The following ADAM23 variants were observed in gnomAD, a reference collection of about 807,000 sequenced individuals.
The protein encoded by ADAM23 is ADAM metallopeptidase domain 23, also known as disintegrin and metalloproteinase domain-containing protein 23.
ADAM23 carries 33 observed loss-of-function variants against 120.1 expected under a neutral mutation model. That is an observed-to-expected ratio of 0.27 (90% CI 0.21 to 0.37). The LOEUF (loss-of-function observed/expected upper bound fraction) is 0.37. Among genes scored for constraint, ADAM23 ranks in the 10% least tolerant of loss-of-function variants. The pLI, the probability that ADAM23 is intolerant of heterozygous loss-of-function variation, is 1.00. For missense variants in ADAM23, 862 were observed against 1,058.2 expected, an observed-to-expected ratio of 0.81 and a Z score of 2.57; for synonymous variants, 367 against 375.2, an observed-to-expected ratio of 0.98 and a Z score of 0.25.
chr2:206,591,975 T>C (rs1337644093), intron 21 of ADAM23, among the ~76,000 whole-genome samples: 1 of 152,182 alleles, frequency 6.6e-6, no homozygotes. Flanking sequence ...CTTCAATTCT[T>C]TGCCCATTTT....
chr2:206,529,109 G>A (rs920373590), intron 3 of ADAM23, among the ~76,000 whole-genome samples: 2 of 152,090 alleles, frequency 1.3e-5, no homozygotes, highest in Non-Finnish European at 2.9e-5. Context: ...TAAAAATAGT[G>A]ACTGCCACAA....
chr2:206,570,396 A>C (rs534176622), intron 15 of ADAM23, among the ~76,000 whole-genome samples: 42 of 152,264 alleles, frequency 2.8e-4, no homozygotes, highest in Admixed American at 2.7e-3. Context: ...TGTGAGTCTT[A>C]TTAGCAATGC....
intron 2 of ADAM23, among the ~76,000 whole-genome samples, chr2:206,458,684 G>C (rs780034298): frequency 1.3e-5 from 2 of 152,132 alleles, no homozygotes; most frequent in Non-Finnish European, 2.9e-5. Context: ...GGATGGGTAT[G>C]GTATGGCCCC....
At chr2:206,484,019 A>T (rs563300044) in intron 3 of ADAM23, among the ~76,000 whole-genome samples, 1 of 152,304 alleles carries the variant, frequency 6.6e-6, no homozygotes, top group Admixed American at 6.5e-5. Flanking sequence ...GACGGAGCTG[A>T]TAAGAGTGGG....
intron 11 of ADAM23, 126 bp from the exon 12 acceptor site, chr2:206,561,000 TAA>T (rs1697753377): frequency 1.5e-6 from 1 of 684,956 alleles, no homozygotes; most frequent in Non-Finnish European, 2.5e-6. Context: ...GTAGTTGAAA[TAA>T]AGTTTTTGAT....
At position 206,621,118 on chromosome 2, in the gene ADAM23, C is replaced by T. The variant is rs770771506; in HGVS notation, c.*3491C>T. ...TAAGTCAAATGTGTATTAAAACTTT[C>T]GTTAACGTAGAATGTTGTAGCTTTA... is the stretch of plus-strand genomic sequence containing the variant. On this transcript the variant is annotated 3_prime_UTR_variant, in exon 26 of 26. Transcript: ENST00000264377. The T allele has an allele frequency of 6.6e-5, 10 of 152,132 alleles. No homozygotes were observed. Among genetic ancestry groups the T allele is most frequent in the Non-Finnish European group, 1.5e-4 (10 of 68,022 alleles). 9.4% of individuals were successfully genotyped at this position (152,132 alleles called of 1,614,324 possible). A position where few individuals can be genotyped will look rare whatever the true frequency, so the allele number is the denominator to read the frequency against.
chr2:206,606,803 A>C (rs1187767418), intron 24 of ADAM23: 1 of 152,210 alleles, frequency 6.6e-6, no homozygotes, highest in Admixed American at 6.5e-5. Context: ...AGAATATTTA[A>C]GAATGGCAGA....
chr2:206,508,640 C>G (rs1232541546), intron 3 of ADAM23, among the ~76,000 whole-genome samples: 2 of 135,982 alleles, frequency 1.5e-5, no homozygotes, highest in Non-Finnish European at 3.1e-5. Flanking sequence ...TGGACTGAGA[C>G]TGAGACTCTG....
In ADAM23 at chr2:206,476,438, G is replaced by A. The variant is rs537207487; in HGVS notation, c.433-4794G>A. Among the ~76,000 whole-genome samples the A allele has an allele frequency of 7.9e-5, 12 of 152,304 alleles. No individual in the cohort carries two copies. In the East Asian group the frequency reaches 2.1e-3, roughly 27 times the overall value. ...TGGGCCACACAGTAGGAGGTGAGTG[G>A]TGGGTGAGTGAGCATTACTGCCTGA... On this transcript the variant is annotated intron_variant, in intron 2 of 25. Transcript: ENST00000264377.
At chr2:206,525,061 T>C (rs1559247787) in intron 3 of ADAM23, among the ~76,000 whole-genome samples, 1 of 152,192 alleles carries the variant, frequency 6.6e-6, no homozygotes, top group Non-Finnish European at 1.5e-5. Flanking sequence ...CCTTCCTGGT[T>C]TATGTATGTC....
At chr2:206,609,651 T>G (rs1465156820) in intron 24 of ADAM23, 3 of 403,622 alleles carry the variant, frequency 7.4e-6, no homozygotes, top group Non-Finnish European at 1.3e-5. Context: ...GCCTATTTGC[T>G]TCAAATTCTG....
At chr2:206,547,825 T>C (rs1697431036) in intron 7 of ADAM23, among the ~76,000 whole-genome samples, 1 of 152,232 alleles carries the variant, frequency 6.6e-6, no homozygotes, top group Admixed American at 6.5e-5. Flanking sequence ...TTGGATTGCC[T>C]CCCTCTCATG....
intron 3 of ADAM23, among the ~76,000 whole-genome samples, chr2:206,498,056 G>A (rs368520935): frequency 2.6e-5 from 4 of 152,042 alleles, no homozygotes; most frequent in African/African-American, 9.7e-5. Context: ...AATCAATATC[G>A]TGAAAATGGC....
At chr2:206,498,949 C>G (rs1306237970) in intron 3 of ADAM23, among the ~76,000 whole-genome samples, 1 of 152,160 alleles carries the variant, frequency 6.6e-6, no homozygotes, top group Non-Finnish European at 1.5e-5. Flanking sequence ...CAATGAGATA[C>G]CATCTCACAC....
chr2:206,615,006 C>T (rs1178883708), intron 25 of ADAM23, among the ~76,000 whole-genome samples: 3 of 152,022 alleles, frequency 2.0e-5, no homozygotes, highest in Non-Finnish European at 4.4e-5. Flanking sequence ...TGTATGGTGG[C>T]CTAGGAGGGG....
chr2:206,551,511 G>A (rs1697525776), intron 9 of ADAM23, among the ~76,000 whole-genome samples: 2 of 152,126 alleles, frequency 1.3e-5, no homozygotes, highest in African/African-American at 4.8e-5. Flanking sequence ...TAGAAATCAG[G>A]TATTGGTGAC....
chr2:206,515,532 A>C (rs1022096782), intron 3 of ADAM23, among the ~76,000 whole-genome samples: 4 of 152,016 alleles, frequency 2.6e-5, no homozygotes, highest in Admixed American at 6.6e-5. Context: ...CTTACCCTTT[A>C]ATCTTCTGCT....
intron 3 of ADAM23, among the ~76,000 whole-genome samples, chr2:206,515,526 C>A (rs1696713213): frequency 6.6e-6 from 1 of 152,096 alleles, no homozygotes; most frequent in Non-Finnish European, 1.5e-5. Context: ...GTTTGTCTTA[C>A]CCTTTAATCT....
chr2:206,522,828 C>G (rs1165333599), intron 3 of ADAM23, among the ~76,000 whole-genome samples: 2 of 148,642 alleles, frequency 1.3e-5, no homozygotes, highest in African/African-American at 5.0e-5. Flanking sequence ...GGTTTTATGA[C>G]ATACGGGGGT....
Sources: gnomAD v4.1 joint callset for allele counts (sites outside exome capture counted in the v4.1 genomes callset) on GRCh38, gnomAD v4.1.1 for gene constraint, MANE v1.5 for transcripts, NCBI Gene and HGNC (gene_info 2026-07-23, HGNC 2026-07-21) for gene names.